The following PACS1 variants were observed in gnomAD, a reference collection of about 807,000 sequenced individuals.
PACS1 encodes PACS-1.
A neutral mutation model predicts 115.0 loss-of-function variants in PACS1; 24 were observed. That is an observed-to-expected ratio of 0.21 (90% CI 0.15 to 0.29). The LOEUF is 0.29. PACS1 is among the 10% of genes least tolerant of loss of function. The pLI is 1.00. For synonymous variants in PACS1, 453 were observed against 504.5 expected (o/e 0.90, Z 1.37); for missense variants, 838 against 1,251.2 (o/e 0.67, Z 4.98).
At chr11:66,121,063 G>C (rs746543336) in intron 1 of PACS1, 2 of 456,218 alleles carry the variant, frequency 4.4e-6, no homozygotes. Flanking sequence ...GCAACCCTAC[G>C]TTGAGTAAGT....
At chr11:66,145,831 A>G (rs1457468699) in intron 1 of PACS1, among the ~76,000 whole-genome samples, 1 of 152,214 alleles carries the variant, frequency 6.6e-6, no homozygotes, top group Non-Finnish European at 1.5e-5. Context: ...TTGCCTGATC[A>G]CTAAGCTGTG....
At chr11:66,144,923 T>A (rs979548880) in intron 1 of PACS1, among the ~76,000 whole-genome samples, 1 of 152,226 alleles carries the variant, frequency 6.6e-6, no homozygotes, top group Non-Finnish European at 1.5e-5. Flanking sequence ...ATGTGAGCCA[T>A]CACGCCAGGC....
Position 66,193,468 on chromosome 11 carries a change from C to T in PACS1, c.357-18C>T. ...AGTTCCTCGCATATGACAGCATCTT[C>T]CTTCTCTGTTTTTCTAGGCTATTCA... On this transcript the variant is annotated intron_variant, in intron 1 of 23. Coordinates refer to ENST00000320580, the MANE Select transcript of PACS1 (RefSeq NM_018026.4). 6.4e-7 allele frequency: 1 copy of T among 1,571,596 alleles called. No homozygotes were observed. The highest frequency in any genetic ancestry group is 8.8e-7 in the Non-Finnish European group (1 of 1,141,578).
chr11:66,206,346 A>AG (rs1854938619), intron 2 of PACS1, among the ~76,000 whole-genome samples: 6 of 152,214 alleles, frequency 3.9e-5, no homozygotes, highest in Admixed American at 3.9e-4. Flanking sequence ...CCTGGTTGGT[A>AG]GTGCCCCAGG....
At chr11:66,119,353 G>T (rs1204441826) in intron 1 of PACS1, among the ~76,000 whole-genome samples, 1 of 152,204 alleles carries the variant, frequency 6.6e-6, no homozygotes, top group Non-Finnish European at 1.5e-5. Flanking sequence ...GTTTGTATAT[G>T]GTCTGTGGCT....
At position 66,157,438 on chromosome 11, in the gene PACS1, CTGAGA is replaced by C. The variant is rs1410098271; in HGVS notation, c.357-36046_357-36042del. Among the ~76,000 whole-genome samples the C allele has an allele frequency of 3.4e-5, 5 of 148,546 alleles. No homozygotes were observed. In the East Asian group the frequency reaches 9.9e-4, roughly 29 times the overall value. ...TTTTCAGCCACATGTGGGCCATGTT[CTGAGA>C]TAAGTTTTAGGTACCTGTGAATATA... On this transcript the variant is annotated intron_variant, in intron 1 of 23. Coordinates refer to ENST00000320580, the MANE Select transcript of PACS1 (RefSeq NM_018026.4).
chr11:66,156,630 G>A (rs552094074), intron 1 of PACS1, among the ~76,000 whole-genome samples: 7 of 152,124 alleles, frequency 4.6e-5, no homozygotes, highest in Admixed American at 3.3e-4. Context: ...CGAGGCAGGC[G>A]GATCACAAGG....
chr11:66,239,239 C>G lies in PACS1; in HGVS notation c.2391C>G (p.Pro797=). The G allele has an allele frequency of 6.2e-7, 1 of 1,613,834 alleles. No homozygotes were observed. Among genetic ancestry groups the G allele is most frequent in the East Asian group, 2.2e-5 (1 of 44,882 alleles). Residue 797 remains proline, a synonymous_variant, in exon 21 of 24, where the codon CCC becomes CCG. Transcript: ENST00000320580. The stretch of plus-strand genomic sequence containing the variant: ...GCCGAGACGCCACGGCCACCCCTCC[C>G]TCCTCCCCATCTATGAGCAGCGCCC... ...GLSRDATATP[P]SSPSMSSALA...
chr11:66,144,419 G>A (rs904430326), intron 1 of PACS1, among the ~76,000 whole-genome samples: 4 of 152,172 alleles, frequency 2.6e-5, no homozygotes, highest in Non-Finnish European at 5.9e-5. Flanking sequence ...TACATAGAAG[G>A]CTATCAGGGC....
intron 1 of PACS1, among the ~76,000 whole-genome samples, chr11:66,079,309 T>TTTG (rs933380272): frequency 6.7e-6 from 1 of 148,896 alleles, no homozygotes; most frequent in Non-Finnish European, 1.5e-5. Flanking sequence ...GCAGGTTTTT[T>TTTG]TTTTTTTTTT....
chr11:66,135,725 C>T (rs1858825733), intron 1 of PACS1, among the ~76,000 whole-genome samples: 1 of 150,852 alleles, frequency 6.6e-6, no homozygotes. Context: ...GGTGCAATCT[C>T]AACTCAGTGC....
chr11:66,144,448 T>C (rs1164142017), intron 1 of PACS1, among the ~76,000 whole-genome samples: 3 of 152,224 alleles, frequency 2.0e-5, no homozygotes, highest in Non-Finnish European at 4.4e-5. Context: ...TTTTCTTTCA[T>C]GTGTGAGAAT....
chr11:66,158,684 G>A (rs904308697), intron 1 of PACS1, among the ~76,000 whole-genome samples: 7 of 152,172 alleles, frequency 4.6e-5, no homozygotes, highest in African/African-American at 9.7e-5. Context: ...CTGGGTGGCA[G>A]AGAGAGTAAA....
At chr11:66,091,503 G>GT (rs1236178818) in intron 1 of PACS1, among the ~76,000 whole-genome samples, 5 of 148,676 alleles carry the variant, frequency 3.4e-5, no homozygotes, top group African/African-American at 7.4e-5. Context: ...TGTTGTTGTT[G>GT]TTTTTTTTCT....
At chr11:66,179,800 C>T (rs1334032279) in intron 1 of PACS1, among the ~76,000 whole-genome samples, 1 of 152,048 alleles carries the variant, frequency 6.6e-6, no homozygotes, top group African/African-American at 2.4e-5. Flanking sequence ...TAATTGTGGC[C>T]CTCTGAATTC....
chr11:66,239,746 C>T (rs764598460), intron 21 of PACS1, among the ~76,000 whole-genome samples: 2 of 152,196 alleles, frequency 1.3e-5, no homozygotes, highest in Non-Finnish European at 1.5e-5. Flanking sequence ...ATAAAACACA[C>T]GTGGGTTTGA....
chr11:66,242,694 CA>C (rs1246404059), intron 22 of PACS1, among the ~76,000 whole-genome samples: 1 of 152,176 alleles, frequency 6.6e-6, no homozygotes, highest in Non-Finnish European at 1.5e-5. Context: ...TATCGAGCCC[CA>C]GGGGGAGAAG....
rs533884532 is a variant in PACS1, at chr11:66,166,460, T to TA, written c.357-27025dup. Among the ~76,000 whole-genome samples the TA allele has an allele frequency of 1.5e-4, 22 of 142,118 alleles. No individual in the cohort carries two copies. In the East Asian group the frequency reaches 3.9e-3, roughly 25 times the overall value. 93.2% of individuals were successfully genotyped at this position (142,118 alleles called of 152,430 possible). A position where few individuals can be genotyped will look rare whatever the true frequency, so the allele number is the denominator to read the frequency against. ...CCATGCACAGCCTGATGTCACATCT[T>TA]ACAGCTGTCGTCATTTGCCATGCAC... On this transcript the variant is annotated intron_variant, in intron 1 of 23. Transcript: ENST00000320580.
At chr11:66,192,488 C>G (rs1416519039) in intron 1 of PACS1, among the ~76,000 whole-genome samples, 1 of 152,172 alleles carries the variant, frequency 6.6e-6, no homozygotes, top group African/African-American at 2.4e-5. Context: ...GCCACGGAGC[C>G]AAAGGAAAGT....
Sources: allele counts gnomAD v4.1 joint callset (sites outside exome capture counted in the v4.1 genomes callset), GRCh38; gene constraint gnomAD v4.1.1; transcripts MANE v1.5; gene names NCBI Gene and HGNC (gene_info 2026-07-23, HGNC 2026-07-21).